FCGRT: variants seen among roughly 807,000 people sequenced by gnomAD.
The protein encoded by FCGRT is IgG receptor FcRn large subunit p51.
FCGRT carries 13 observed loss-of-function variants against 35.7 expected under a neutral mutation model. The observed-to-expected ratio is 0.36, with a 90% confidence interval of 0.24 to 0.58. The LOEUF (loss-of-function observed/expected upper bound fraction) is 0.58. Ranked by LOEUF, FCGRT falls within the 20% of genes least tolerant of loss-of-function variation. FCGRT has a pLI of 0.77. For missense variants in FCGRT, 455 were observed against 474.9 expected, an observed-to-expected ratio of 0.96 and a Z score of 0.39; for synonymous variants, 233 against 216.5, an observed-to-expected ratio of 1.08 and a Z score of -0.67.
rs76650499 is a variant in FCGRT, at chr19:49,525,256, G to T, written c.872-201G>T. On this transcript the variant is annotated intron_variant, in intron 5 of 6. Coordinates refer to ENST00000221466, the MANE Select transcript of FCGRT (RefSeq NM_001136019.3). ...GCTGATCCATTGCCGGTGTGACCGC[G>T]GCCGCTCGTGCTGTAGCTGGTTCTT... is the stretch of plus-strand genomic sequence containing the variant. 8.2e-3 allele frequency: 4,735 copies of T among 576,482 alleles called. 21 individuals carry two copies. Among genetic ancestry groups the T allele is most frequent in the Non-Finnish European group, 0.012 (3,672 of 314,370 alleles). The allele number at this position is 576,482 out of a possible 1,614,324, so 35.7% of individuals were successfully genotyped here. A position where few individuals can be genotyped will look rare whatever the true frequency, so the allele number is the denominator to read the frequency against.
rs750826994 is a variant in FCGRT at position 49,514,172 on chromosome 19, T to C, written c.325+39T>C. On this transcript the variant is annotated intron_variant, in intron 3 of 6. Coordinates refer to ENST00000221466, the MANE Select transcript of FCGRT (RefSeq NM_001136019.3). ...CTGGAGGGGCAAGGGGCCGGGTCCA[T>C]GCTCCGGGGCCCCGCTTACCTGTGT... The C allele has an allele frequency of 1.9e-6, 3 of 1,610,940 alleles. No individual in the cohort carries two copies. The South Asian group carries it at 3.3e-5, about 18-fold the overall frequency.
At chr19:49,515,426 C>T (rs1259580422) in intron 4 of FCGRT, among the ~76,000 whole-genome samples, 1 of 152,038 alleles carries the variant, frequency 6.6e-6, no homozygotes, top group Non-Finnish European at 1.5e-5. Flanking sequence ...GCACTATAGG[C>T]ACATCCACCA....
rs2079992439 is a variant in FCGRT, at chr19:49,514,239, C to T, written c.354C>T (p.Gly118=). The change falls in exon 4 of 7, where the codon GGC becomes GGT. Residue 118 remains glycine, a synonymous_variant. Transcript: ENST00000221466. The part of the protein sequence containing the change: ...KGPYTLQGLL[G]CELGPDNTSV... ...CCTACACTCTGCAGGGCCTGCTGGGCTGTGAACTGGGCCCTGACAACACCT... is the reference window on the plus strand; with the variant it reads ...CCTACACTCTGCAGGGCCTGCTGGGTTGTGAACTGGGCCCTGACAACACCT... 4.3e-6 allele frequency: 7 copies of T among 1,610,772 alleles called. No homozygotes were observed. Among genetic ancestry groups the T allele is most frequent in the Non-Finnish European group, 5.9e-6 (7 of 1,178,662 alleles).
intron 4 of FCGRT, among the ~76,000 whole-genome samples, chr19:49,517,383 C>G (rs113063286): frequency 2.0e-5 from 3 of 151,582 alleles, no homozygotes; most frequent in Non-Finnish European, 4.4e-5. Context: ...TCCAGCTATT[C>G]GGGAGGCTGA....
chr19:49,525,049 CCTGCTGCTG>C (rs10525267), intron 5 of FCGRT: 212 of 591,678 alleles, frequency 3.6e-4, no homozygotes, highest in Middle Eastern at 8.0e-4. Flanking sequence ...CATCTTCCAT[CCTGCTGCTG>C]CTGCTGCTGC....
intron 5 of FCGRT, 120 bp from the exon 6 acceptor site, chr19:49,525,337 A>G (rs2080067986): frequency 1.4e-5 from 11 of 804,682 alleles, no homozygotes; most frequent in Non-Finnish European, 2.2e-5. Flanking sequence ...GCCTCTGCCC[A>G]TCAGACACTT....
rs1003019674 is a variant in FCGRT, at chr19:49,513,864, C to T, written c.74-18C>T. ...TTCCCCGCCCGTGTGCTCCCTTCAG[C>T]TCTGTTTCTGTCTGCAGAAAGCCAC... On this transcript the variant is annotated intron_variant, in intron 2 of 6. Transcript: ENST00000221466. The T allele has an allele frequency of 3.5e-5, 56 of 1,578,022 alleles. No homozygotes were observed. The highest frequency in any genetic ancestry group is 4.7e-5 in the Non-Finnish European group (54 of 1,161,272).
intron 4 of FCGRT, among the ~76,000 whole-genome samples, chr19:49,518,514 C>T (rs1303362612): frequency 2.0e-5 from 3 of 151,636 alleles, no homozygotes; most frequent in African/African-American, 4.9e-5. Flanking sequence ...CACAGGTGCA[C>T]GCCATCAGGC....
intron 5 of FCGRT, 181 bp from the exon 6 acceptor site, chr19:49,525,276 G>T: frequency 1.6e-6 from 1 of 633,104 alleles, no homozygotes. Flanking sequence ...GCTGTAGCTG[G>T]TTCTTACGTC....
chr19:49,524,801 C>T (rs779410010), intron 5 of FCGRT, 25 bp downstream of exon 5: 12 of 1,592,754 alleles, frequency 7.5e-6, no homozygotes, highest in Non-Finnish European at 1.0e-5. Context: ...GGTGGTGATG[C>T]TCCTGGTTTC....
At chr19:49,518,587 G>A (rs1263558971) in intron 4 of FCGRT, among the ~76,000 whole-genome samples, 3 of 152,188 alleles carry the variant, frequency 2.0e-5, no homozygotes, top group African/African-American at 7.2e-5. Flanking sequence ...AGACTGGAGT[G>A]CAGAGGCACG....
intron 4 of FCGRT, among the ~76,000 whole-genome samples, chr19:49,524,199 G>T (rs1202863965): frequency 6.6e-6 from 1 of 151,784 alleles, no homozygotes; most frequent in African/African-American, 2.4e-5. Context: ...TAGAGATGGG[G>T]TTTCACCATG....
intron 5 of FCGRT, chr19:49,525,080 TTCC>T (rs2080066189): frequency 5.2e-6 from 3 of 576,626 alleles, no homozygotes; most frequent in Non-Finnish European, 9.7e-6. Flanking sequence ...GCTGCGGGTC[TTCC>T]TGGAATCTGA....
rs374439544 is a variant in FCGRT at position 49,524,813 on chromosome 19, C to T, written c.871+37C>T. 92 of 1,583,440 alleles carry T rather than the reference C, an allele frequency of 5.8e-5. No individual in the cohort carries two copies. In the East Asian group the frequency reaches 1.7e-3, roughly 30 times the overall value. ...CCAGGTGGTGATGCTCCTGGTTTCC[C>T]GTTGCCTTGTCTCACTGCTGCGCCG... On this transcript the variant is annotated intron_variant, in intron 5 of 6. Transcript: ENST00000221466.
In FCGRT at chr19:49,525,477, G is replaced by T. The variant is rs34522905; in HGVS notation, c.892G>T (p.Val298Leu). The T allele has an allele frequency of 1.4e-3, 2,220 of 1,613,766 alleles. 20 individuals are homozygous for T. The highest frequency in any genetic ancestry group is 2.7e-3 in the Middle Eastern group (16 of 6,034). ...VELESPAKSSVLVVGIVIGVL... is the reference protein window; with the variant it reads ...VELESPAKSSLLVVGIVIGVL... ...TGCAGAATCTCCAGCCAAGTCCTCCGTGCTCGTGGTGGGAATCGTCATCGG... is the reference window on the plus strand; with the variant it reads ...TGCAGAATCTCCAGCCAAGTCCTCCTTGCTCGTGGTGGGAATCGTCATCGG... The change falls in exon 6 of 7, where the codon GTG becomes TTG. Residue 298 changes from valine to leucine, a missense_variant. By Grantham distance (32) the Val-to-Leu change is conservative. This residue lies in a region of FCGRT where 312 missense variants were observed against 296.1 expected (regional missense o/e 1.05). Transcript: ENST00000221466.
At chr19:49,518,660 A>G (rs2080022724) in intron 4 of FCGRT, among the ~76,000 whole-genome samples, 1 of 152,110 alleles carries the variant, frequency 6.6e-6, no homozygotes, top group African/African-American at 2.4e-5. Context: ...CAGCGTCCCA[A>G]GTAGCTGGGA....
At chr19:49,515,860 C>T (rs1358682030) in intron 4 of FCGRT, among the ~76,000 whole-genome samples, 1 of 152,290 alleles carries the variant, frequency 6.6e-6, no homozygotes, top group East Asian at 1.9e-4. Context: ...TTTCCCCTGG[C>T]ACCTCTCTGT....
At position 49,525,405 on chromosome 19, in the gene FCGRT, C is replaced by T; in HGVS notation, c.872-52C>T. 5.1e-6 allele frequency: 7 copies of T among 1,359,794 alleles called. No individual in the cohort carries two copies. The South Asian group carries it at 8.2e-5, about 16-fold the overall frequency. The allele number at this position is 1,359,794 out of a possible 1,614,324, so 84.2% of individuals were successfully genotyped here. A position where few individuals can be genotyped will look rare whatever the true frequency, so the allele number is the denominator to read the frequency against. Reference sequence around the variant, plus strand: ...GGAGCGCCCCAGTTCTGTGTCCTGACTGGGTGGGGTGGAGGGGCTGCTCCA... The same window carrying T: ...GGAGCGCCCCAGTTCTGTGTCCTGATTGGGTGGGGTGGAGGGGCTGCTCCA... On this transcript the variant is annotated intron_variant, in intron 5 of 6. Transcript: ENST00000221466.
At chr19:49,525,187 G>A (rs976303360) in intron 5 of FCGRT, 2 of 516,066 alleles carry the variant, frequency 3.9e-6, no homozygotes, top group Admixed American at 5.5e-5. Context: ...CCACTGCTCT[G>A]CCTGCCTCTC....
Sources: gnomAD v4.1 joint callset for allele counts (sites outside exome capture counted in the v4.1 genomes callset) on GRCh38, gnomAD v4.1.1 for gene constraint, gnomAD v4.1.1 regional missense constraint, MANE v1.5 for transcripts, NCBI Gene and HGNC (gene_info 2026-07-23, HGNC 2026-07-21) for gene names.